Variants in ADK observed in about 807,000 individuals in gnomAD.
ADK encodes adenosine kinase.
A neutral mutation model predicts 44.7 loss-of-function variants in ADK; 24 were observed. That is an observed-to-expected ratio of 0.54 (90% CI 0.39 to 0.76). The LOEUF (loss-of-function observed/expected upper bound fraction) is 0.76. Ranked by LOEUF, ADK falls within the 30% of genes least tolerant of loss-of-function variation. The probability of loss-of-function intolerance (pLI) is 0.00; values close to 1 mark genes in which losing one functional copy is unlikely to be tolerated. For missense variants in ADK, 321 were observed against 425.1 expected (o/e 0.76, Z 2.15); for synonymous variants, 128 against 142.6 (o/e 0.90, Z 0.73).
At chr10:74,527,377 A>AAC (rs1564774229) in intron 7 of ADK, among the ~76,000 whole-genome samples, 4,521 of 152,034 alleles carry the variant, frequency 0.03, 254 homozygotes, top group African/African-American at 0.1. Context: ...ACAAACAAAA[A>AAC]AAAAAAAACA....
At chr10:74,377,999 G>A (rs932928269) in intron 4 of ADK, among the ~76,000 whole-genome samples, 31 of 151,672 alleles carry the variant, frequency 2.0e-4, no homozygotes, top group Non-Finnish European at 4.0e-4. Flanking sequence ...CTTTGGAGAT[G>A]AGGTGTCTCA....
intron 4 of ADK, among the ~76,000 whole-genome samples, chr10:74,336,023 A>C (rs1841398419): frequency 6.6e-6 from 1 of 152,144 alleles, no homozygotes; most frequent in South Asian, 2.1e-4. Flanking sequence ...AAGTTCTTAC[A>C]AATTTATGTA....
intron 3 of ADK, among the ~76,000 whole-genome samples, chr10:74,233,749 C>G (rs1383342707): frequency 1.3e-5 from 2 of 152,122 alleles, no homozygotes; most frequent in Non-Finnish European, 2.9e-5. Context: ...CTTTCATTAC[C>G]TACTTCTCTT....
At chr10:74,258,947 G>GTTTTTTTTTT (rs141424052) in intron 3 of ADK, among the ~76,000 whole-genome samples, 4 of 96,126 alleles carry the variant, frequency 4.2e-5, no homozygotes, top group East Asian at 2.7e-4. Flanking sequence ...TTGTTTTTGT[G>GTTTTTTTTTT]TTTTTTTTTT....
chr10:74,331,659 T>C (rs1332998066), intron 4 of ADK, among the ~76,000 whole-genome samples: 2 of 152,182 alleles, frequency 1.3e-5, no homozygotes, highest in African/African-American at 4.8e-5. Context: ...TAATTCTTTG[T>C]ATTTTTAATA....
At chr10:74,632,686 T>C (rs566162691) in intron 9 of ADK, among the ~76,000 whole-genome samples, 2 of 152,286 alleles carry the variant, frequency 1.3e-5, no homozygotes, top group East Asian at 3.9e-4. Flanking sequence ...TCTTAACTAA[T>C]TAATCTGCAA....
chr10:74,178,739 T>C (rs1374787736), intron 1 of ADK, among the ~76,000 whole-genome samples: 1 of 152,252 alleles, frequency 6.6e-6, no homozygotes, highest in African/African-American at 2.4e-5. Context: ...AAAATTTATT[T>C]ATGCTTGTTT....
intron 4 of ADK, among the ~76,000 whole-genome samples, chr10:74,315,525 A>C (rs990065114): frequency 6.6e-6 from 1 of 152,202 alleles, no homozygotes; most frequent in African/African-American, 2.4e-5. Context: ...GAAAGATATG[A>C]ACAAGTTTTA....
chr10:74,486,706 T>G (rs1290362799), intron 6 of ADK, among the ~76,000 whole-genome samples: 1 of 152,152 alleles, frequency 6.6e-6, no homozygotes. Flanking sequence ...ACTAGCTGTT[T>G]GAGCGTATTC....
intron 4 of ADK, among the ~76,000 whole-genome samples, chr10:74,339,927 T>G (rs1051142865): frequency 5.3e-5 from 8 of 152,232 alleles, no homozygotes; most frequent in African/African-American, 1.9e-4. Flanking sequence ...GTTTCTTTAC[T>G]ATATCAACAC....
chr10:74,477,990 A>G (rs904777996), intron 6 of ADK, among the ~76,000 whole-genome samples: 1 of 152,188 alleles, frequency 6.6e-6, no homozygotes, highest in African/African-American at 2.4e-5. Flanking sequence ...TTATACTTAC[A>G]TGGTAGTTTG....
intron 3 of ADK, among the ~76,000 whole-genome samples, chr10:74,280,447 C>CA (rs1554837542): frequency 6.6e-6 from 1 of 151,824 alleles, no homozygotes; most frequent in African/African-American, 2.4e-5. Flanking sequence ...CACACACACA[C>CA]GTTTTTTAGA....
rs376701939 is a variant in ADK, at chr10:74,172,199, C to T, written c.65+20856C>T. Among the ~76,000 whole-genome samples the T allele has an allele frequency of 3.8e-4, 56 of 147,658 alleles. 1 individual carries two copies. The Middle Eastern group carries it at 0.011, about 28-fold the overall frequency. On this transcript the variant is annotated intron_variant, in intron 1 of 10. Transcript: ENST00000539909. ...TATCTCTCAGGCTAGATTGCAGCGG[C>T]GCAAACACAGCTTGCTGTAGCCTTG...
At chr10:74,562,630 T>C (rs539074379) in intron 7 of ADK, among the ~76,000 whole-genome samples, 1 of 152,340 alleles carries the variant, frequency 6.6e-6, no homozygotes, top group South Asian at 2.1e-4. Flanking sequence ...GAAAATCAAG[T>C]CTTTACTATG....
At chr10:74,434,689 G>T (rs1845122160) in intron 6 of ADK, among the ~76,000 whole-genome samples, 1 of 152,108 alleles carries the variant, frequency 6.6e-6, no homozygotes, top group South Asian at 2.1e-4. Flanking sequence ...GCTATTATCT[G>T]TTTCTCCTGA....
intron 10 of ADK, among the ~76,000 whole-genome samples, chr10:74,698,213 G>T (rs988059786): frequency 6.6e-6 from 1 of 152,164 alleles, no homozygotes. Flanking sequence ...ACGCCTATGT[G>T]TAACAGGATA....
intron 3 of ADK, among the ~76,000 whole-genome samples, chr10:74,234,923 G>A (rs1844902758): frequency 6.6e-6 from 1 of 151,990 alleles, no homozygotes; most frequent in Admixed American, 6.5e-5. Context: ...TTATAAAAAT[G>A]TTTCACTTTG....
chr10:74,432,981 A>G (rs898479691), intron 6 of ADK, among the ~76,000 whole-genome samples: 2 of 152,068 alleles, frequency 1.3e-5, no homozygotes, highest in East Asian at 3.9e-4. Flanking sequence ...ATTTCCTTTC[A>G]TGAACTGGAA....
intron 1 of ADK, among the ~76,000 whole-genome samples, chr10:74,195,628 T>C (rs965394327): frequency 6.6e-6 from 1 of 151,802 alleles, no homozygotes; most frequent in Non-Finnish European, 1.5e-5. Flanking sequence ...GGATTATGGG[T>C]GTGCACCACC....
Sources: allele counts gnomAD v4.1 joint callset (sites outside exome capture counted in the v4.1 genomes callset), GRCh38; gene constraint gnomAD v4.1.1; transcripts MANE v1.5; gene names NCBI Gene and HGNC (gene_info 2026-07-23, HGNC 2026-07-21).